Variants in PHACTR2 observed in about 807,000 individuals in gnomAD.
PHACTR2 encodes the protein phosphatase and actin regulator 2.
PHACTR2 carries 30 observed loss-of-function variants against 76.0 expected under a neutral mutation model. That is an observed-to-expected ratio of 0.39 (90% CI 0.30 to 0.54). The LOEUF (loss-of-function observed/expected upper bound fraction) is 0.54, where lower values mean the gene tolerates loss of function less well. Ranked by LOEUF, PHACTR2 falls within the 20% of genes least tolerant of loss-of-function variation. The pLI is 0.61. For missense variants in PHACTR2, 696 were observed against 781.1 expected (o/e 0.89, Z 1.30); for synonymous variants, 292 against 292.5 (o/e 1.00, Z 0.02).
chr6:143,693,685 C>G (rs995024191), intron 1 of PHACTR2, among the ~76,000 whole-genome samples: 34 of 152,094 alleles, frequency 2.2e-4, no homozygotes, highest in Non-Finnish European at 4.4e-4. Flanking sequence ...ATTTCTTAAC[C>G]AATTAAGGCC....
chr6:143,796,478 G>T (rs1400190992), intron 11 of PHACTR2, among the ~76,000 whole-genome samples: 1 of 151,436 alleles, frequency 6.6e-6, no homozygotes, highest in African/African-American at 2.4e-5. Context: ...TTGTTACATA[G>T]GTATACACGT....
intron 1 of PHACTR2, among the ~76,000 whole-genome samples, chr6:143,613,037 C>T (rs1776004382): frequency 6.6e-6 from 1 of 152,188 alleles, no homozygotes; most frequent in African/African-American, 2.4e-5. Flanking sequence ...AGTGCGGTGG[C>T]GCAATCTCGG....
At chr6:143,613,757 T>A (rs2128438310) in intron 1 of PHACTR2, among the ~76,000 whole-genome samples, 1 of 152,294 alleles carries the variant, frequency 6.6e-6, no homozygotes, top group East Asian at 1.9e-4. Context: ...TGCATTTTGG[T>A]GATAGAGGAA....
chr6:143,576,447 A>G (rs1338434194), intron 1 of PHACTR2, among the ~76,000 whole-genome samples: 1 of 152,238 alleles, frequency 6.6e-6, no homozygotes, highest in Non-Finnish European at 1.5e-5. Flanking sequence ...TTTTACATTT[A>G]TTTACTTTAA....
Position 143,761,805 on chromosome 6 carries a change from G to C in PHACTR2, c.694+1165G>C, listed in dbSNP as rs1382828675. 2.0e-5 allele frequency among the ~76,000 whole-genome samples: 3 copies of C among 152,240 alleles called. No homozygotes were observed. Among genetic ancestry groups the C allele is most frequent in the Admixed American group, 6.5e-5 (1 of 15,288 alleles). On this transcript the variant is annotated intron_variant, in intron 5 of 12. Coordinates refer to ENST00000440869, the MANE Select transcript of PHACTR2 (RefSeq NM_001100164.2). This position sits in a 1 kb window ranked among gnomAD's most constrained non-coding sequence, Gnocchi z 5.2. The stretch of plus-strand genomic sequence containing the variant: ...AATCAACAGCAACTTTCTAGCAGTT[G>C]ACTGTCAGGATTTGCCTTGGTGTTG...
chr6:143,605,043 G>T (rs1775853295), upstream of PHACTR2, among the ~76,000 whole-genome samples: 1 of 151,470 alleles, frequency 6.6e-6, no homozygotes, highest in Non-Finnish European at 1.5e-5. This position sits in a 1 kb window ranked among gnomAD's most constrained non-coding sequence, Gnocchi z 5.0. Context: ...GAAGACTCAG[G>T]GCCCCACAGC....
chr6:143,748,503 T>C (rs1267183584), intron 2 of PHACTR2, among the ~76,000 whole-genome samples: 1 of 152,204 alleles, frequency 6.6e-6, no homozygotes, highest in Non-Finnish European at 1.5e-5. Flanking sequence ...GCTTTTGTAA[T>C]AGATGGAGTG....
chr6:143,800,532 A>C lies in PHACTR2; in HGVS notation c.1846-6525A>C, dbSNP rs1371536400. Among the ~76,000 whole-genome samples, 1 of 152,128 alleles carries C rather than the reference A, an allele frequency of 6.6e-6. No individual in the cohort carries two copies. Among genetic ancestry groups the C allele is most frequent in the Non-Finnish European group, 1.5e-5 (1 of 68,036 alleles). On this transcript the variant is annotated intron_variant, in intron 11 of 12. Transcript: ENST00000440869. This position sits in a 1 kb window ranked among gnomAD's most constrained non-coding sequence, Gnocchi z 4.8. ...TGCATCGGCCTCCCAAAGTGCTGGG[A>C]TTACAGGTGTGAGCCACCGCACCCA...
At chr6:143,643,816 G>A (rs1776608215) in intron 1 of PHACTR2, among the ~76,000 whole-genome samples, 1 of 152,242 alleles carries the variant, frequency 6.6e-6, no homozygotes, top group African/African-American at 2.4e-5. Context: ...GCAATTTAGT[G>A]TCCTGTTTCC....
intron 1 of PHACTR2, among the ~76,000 whole-genome samples, chr6:143,635,077 A>G (rs1199825801): frequency 2.0e-5 from 3 of 152,154 alleles, no homozygotes; most frequent in African/African-American, 7.2e-5. Context: ...CATGACATTT[A>G]TCCTCTCCAC....
rs890050463 is a variant in PHACTR2, at chr6:143,647,793, A to C, written c.13+39471A>C. Among the ~76,000 whole-genome samples, 30 of 152,182 alleles carry C rather than the reference A, an allele frequency of 2.0e-4. No individual in the cohort carries two copies. The highest frequency in any genetic ancestry group is 7.2e-4 in the African/African-American group (30 of 41,430). ...GCTGGGAATAGGCTTGTGTCTGAGA[A>C]CCACAAAAAAAGCCAGTGTGGCTGG... On this transcript the variant is annotated intron_variant, in intron 1 of 11. Transcript: ENST00000305766. The surrounding 1 kb of genome is among the most constrained non-coding windows in gnomAD (Gnocchi z 4.2).
chr6:143,712,632 C>T (rs1172862797), intron 2 of PHACTR2, among the ~76,000 whole-genome samples: 1 of 151,754 alleles, frequency 6.6e-6, no homozygotes, highest in Non-Finnish European at 1.5e-5. Context: ...GTAATGTTAA[C>T]GGTCTTGTTC....
In PHACTR2 at chr6:143,827,205, TTA is replaced by T. The variant is rs1315872489; in HGVS notation, c.*3523_*3524del. ...ATATATATATATATATATATGTATA[TTA>T]TATATACAGTAGCTTACACTTAAAA... On this transcript the variant is annotated 3_prime_UTR_variant, in exon 13 of 13. Transcript: ENST00000440869. 5 of 121,622 alleles carry T rather than the reference TTA, an allele frequency of 4.1e-5. No individual in the cohort carries two copies. Among genetic ancestry groups the T allele is most frequent in the African/African-American group, 1.2e-4 (4 of 33,508 alleles). The allele number at this position is 121,622 out of a possible 1,614,324, so 7.5% of individuals were successfully genotyped here.
At position 143,709,536 on chromosome 6, in the gene PHACTR2, G is replaced by C. The variant is rs1778123045; in HGVS notation, c.47-2480G>C. ...TGTTATGTGACTCTAGATCTTGTTTGAAACCTTTGGTTTTAACTGGCTTTG... is the reference window on the plus strand; with the variant it reads ...TGTTATGTGACTCTAGATCTTGTTTCAAACCTTTGGTTTTAACTGGCTTTG... On this transcript the variant is annotated intron_variant, in intron 1 of 12. Transcript: ENST00000440869. This position sits in a 1 kb window ranked among gnomAD's most constrained non-coding sequence, Gnocchi z 4.4. Among the ~76,000 whole-genome samples, 1 of 152,194 alleles carries C rather than the reference G, an allele frequency of 6.6e-6. No homozygotes were observed. Among genetic ancestry groups the C allele is most frequent in the Admixed American group, 6.5e-5 (1 of 15,278 alleles).
chr6:143,669,107 T>C (rs2128450276), intron 1 of PHACTR2, among the ~76,000 whole-genome samples: 1 of 152,348 alleles, frequency 6.6e-6, no homozygotes, highest in Admixed American at 6.5e-5. Flanking sequence ...ACTTATTTAT[T>C]TCTGCCTTAA....
At chr6:143,727,713 GT>G (rs773343165) in intron 2 of PHACTR2, among the ~76,000 whole-genome samples, 9 of 120,680 alleles carry the variant, frequency 7.5e-5, no homozygotes, top group African/African-American at 1.3e-4. Flanking sequence ...ATGATTAGTG[GT>G]TTTTTCATAT....
chr6:143,629,740 A>C (rs1776328971), intron 1 of PHACTR2, among the ~76,000 whole-genome samples: 1 of 152,080 alleles, frequency 6.6e-6, no homozygotes, highest in African/African-American at 2.4e-5. Flanking sequence ...ATGCGTATTG[A>C]GAGGGAGCCC....
intron 1 of PHACTR2, among the ~76,000 whole-genome samples, chr6:143,634,262 C>T (rs190590177): frequency 2.0e-5 from 3 of 152,300 alleles, no homozygotes; most frequent in African/African-American, 7.2e-5. Context: ...TCTAAGTTCT[C>T]TTCTGGAAAG....
In PHACTR2 at chr6:143,791,209, A is replaced by G. The variant is rs906208030; in HGVS notation, c.1845+2299A>G. ...GCTTTCAGTTTGCTTGGTCATCTGT[A>G]TTATATGTTTGTTTTCTATGTCATT... On this transcript the variant is annotated intron_variant, in intron 11 of 12. Transcript: ENST00000440869. The surrounding 1 kb of genome is among the most constrained non-coding windows in gnomAD (Gnocchi z 4.7). Among the ~76,000 whole-genome samples the G allele has an allele frequency of 5.3e-5, 8 of 151,980 alleles. No homozygotes were observed. Among genetic ancestry groups the G allele is most frequent in the Non-Finnish European group, 7.4e-5 (5 of 67,978 alleles).
Sources: allele counts gnomAD v4.1 joint callset (sites outside exome capture counted in the v4.1 genomes callset), GRCh38; gene constraint gnomAD v4.1.1; non-coding constraint Gnocchi (gnomAD v3.1); transcripts MANE v1.5; gene names NCBI Gene and HGNC (gene_info 2026-07-23, HGNC 2026-07-21).